Variants in KATNAL2 observed in about 807,000 individuals in gnomAD.
The protein encoded by KATNAL2 is katanin p60 ATPase-containing subunit A-like 2.
KATNAL2 carries 52 observed loss-of-function variants against 76.3 expected under a neutral mutation model. The ratio of observed to expected loss-of-function variants is 0.68; its 90% CI spans 0.55 to 0.86. The LOEUF is 0.86. Ranked by LOEUF, KATNAL2 falls within the 40% of genes least tolerant of loss-of-function variation. The probability of loss-of-function intolerance (pLI) is 0.00; values close to 1 mark genes in which losing one functional copy is unlikely to be tolerated. For missense variants in KATNAL2, 660 were observed against 668.9 expected (o/e 0.99, Z 0.15); for synonymous variants, 243 against 244.2 (o/e 1.00, Z 0.05).
chr18:46,968,843 TC>T (rs2060196111), intron 3 of KATNAL2: 2 of 484,354 alleles, frequency 4.1e-6, no homozygotes, highest in Middle Eastern at 6.2e-4. Context: ...GCCGTCGCCG[TC>T]CCCGAGGCCG....
At chr18:47,093,626 G>A (rs1248788817) in intron 15 of KATNAL2, among the ~76,000 whole-genome samples, 2 of 151,876 alleles carry the variant, frequency 1.3e-5, no homozygotes, top group African/African-American at 4.8e-5. Flanking sequence ...CAACCTCTTG[G>A]GTTCAAGCGA....
rs2061379420 is a variant in KATNAL2, at chr18:47,053,049, A to G, written c.289+3A>G. On this transcript the variant is annotated splice_donor_region_variant and intron_variant, in intron 5 of 17. Coordinates refer to ENST00000683218, the MANE Select transcript of KATNAL2 (RefSeq NM_001387690.1). The stretch of plus-strand genomic sequence containing the variant: ...TGTCAAAAAGTCATCAGACACAGGT[A>G]CATGCCTATTTTCTAGAGATAAGGC... 1.9e-6 allele frequency: 3 copies of G among 1,585,338 alleles called. No homozygotes were observed. The Admixed American group carries it at 5.4e-5, about 28-fold the overall frequency.
chr18:46,944,188 T>A (rs189761809), intron 1 of KATNAL2, among the ~76,000 whole-genome samples: 1 of 152,286 alleles, frequency 6.6e-6, no homozygotes, highest in Admixed American at 6.5e-5. Context: ...AAAAGACAAT[T>A]TCAAAGGTTA....
At chr18:47,086,060 C>A (rs976259256) in intron 15 of KATNAL2, among the ~76,000 whole-genome samples, 1 of 151,882 alleles carries the variant, frequency 6.6e-6, no homozygotes, top group Admixed American at 6.6e-5. Context: ...ACCACTGCAC[C>A]CCAGCCTGGG....
chr18:47,072,516 G>C (rs1316160721), intron 13 of KATNAL2, among the ~76,000 whole-genome samples: 2 of 152,190 alleles, frequency 1.3e-5, no homozygotes, highest in African/African-American at 4.8e-5. Flanking sequence ...CACTATCACA[G>C]CTGACTGCAG....
chr18:47,034,057 G>T (rs746500532), intron 3 of KATNAL2: 2 of 1,614,190 alleles, frequency 1.2e-6, no homozygotes, highest in Admixed American at 3.3e-5. Flanking sequence ...TGCAGTGGTG[G>T]CAGATTTTCC....
At chr18:46,940,161 G>A (rs1303312266) in intron 1 of KATNAL2, among the ~76,000 whole-genome samples, 1 of 152,160 alleles carries the variant, frequency 6.6e-6, no homozygotes, top group Non-Finnish European at 1.5e-5. Context: ...TTCCAGCCCT[G>A]GCCTGTATGA....
chr18:47,094,373 A>G lies in KATNAL2; in HGVS notation c.1212-4870A>G, dbSNP rs990230468. On this transcript the variant is annotated intron_variant, in intron 15 of 17. Coordinates refer to ENST00000683218, the MANE Select transcript of KATNAL2 (RefSeq NM_001387690.1). ...AAGACACTCTTCTTGTTTCATGGCA[A>G]TATTTTCTTACATCTCTCTGAGAAT... Among the ~76,000 whole-genome samples the G allele has an allele frequency of 3.6e-4, 55 of 152,184 alleles. 2 individuals are homozygous for G.
At chr18:46,929,244 T>C (rs897210714) in intron 1 of KATNAL2, among the ~76,000 whole-genome samples, 7 of 151,628 alleles carry the variant, frequency 4.6e-5, no homozygotes, top group Non-Finnish European at 8.8e-5. Flanking sequence ...AATTCTTTTT[T>C]TGTTTTTTTA....
intron 15 of KATNAL2, chr18:47,084,404 T>A (rs1268260570): frequency 1.4e-6 from 1 of 702,800 alleles, no homozygotes; most frequent in South Asian, 1.5e-5. Context: ...GATTGTGCCT[T>A]CACTAGATCA....
intron 3 of KATNAL2, among the ~76,000 whole-genome samples, chr18:47,039,189 CCTT>C (rs2147000528): frequency 6.6e-6 from 1 of 152,194 alleles, no homozygotes; most frequent in Non-Finnish European, 1.5e-5. Flanking sequence ...TTTATTTAAG[CCTT>C]CTTTTCTCTG....
At chr18:46,935,790 C>T (rs1020710494) in intron 1 of KATNAL2, among the ~76,000 whole-genome samples, 2 of 152,010 alleles carry the variant, frequency 1.3e-5, no homozygotes, top group Non-Finnish European at 2.9e-5. Context: ...GTGGTGTGTG[C>T]CTGTAGTCCC....
At chr18:46,957,379 C>T (rs1466528604) in intron 3 of KATNAL2, among the ~76,000 whole-genome samples, 1 of 150,814 alleles carries the variant, frequency 6.6e-6, no homozygotes, top group Non-Finnish European at 1.5e-5. Flanking sequence ...CTCAGCCTCC[C>T]GAGTAGCTGG....
intron 15 of KATNAL2, among the ~76,000 whole-genome samples, chr18:47,089,893 T>C (rs1281168148): frequency 6.6e-6 from 1 of 152,144 alleles, no homozygotes; most frequent in Non-Finnish European, 1.5e-5. Context: ...CAGTCATGTG[T>C]TCAAGTAGTA....
chr18:47,056,636 G>C (rs992500731), intron 6 of KATNAL2, among the ~76,000 whole-genome samples: 3 of 152,148 alleles, frequency 2.0e-5, no homozygotes, highest in African/African-American at 7.2e-5. Context: ...ACCATCCTCA[G>C]AACCAATTTA....
Position 46,965,585 on chromosome 18 carries a change from C to G in KATNAL2, c.51+18662C>G, listed in dbSNP as rs2060098519. Among the ~76,000 whole-genome samples, 8 of 91,142 alleles carry G rather than the reference C, an allele frequency of 8.8e-5. No individual in the cohort carries two copies. In the South Asian group the frequency reaches 1.8e-3, roughly 21 times the overall value. 59.8% of individuals were successfully genotyped at this position (91,142 alleles called of 152,430 possible). On this transcript the variant is annotated intron_variant, in intron 3 of 17. Coordinates refer to ENST00000683218, the MANE Select transcript of KATNAL2 (RefSeq NM_001387690.1). ...CAGAATCCCTCTAGCATCCCCGCCC[C>G]CCCCCCCCCGCCCCCAACGGTGGCC...
At chr18:47,100,735 G>A in intron 17 of KATNAL2, 131 bp from the exon 18 acceptor site, 1 of 1,149,236 alleles carries the variant, frequency 8.7e-7, no homozygotes. Context: ...CTTTAGTCTT[G>A]CCTTTTGCTG....
At chr18:46,933,859 C>G (rs1252203008) in intron 1 of KATNAL2, among the ~76,000 whole-genome samples, 1 of 143,596 alleles carries the variant, frequency 7.0e-6, no homozygotes, top group Admixed American at 7.1e-5. Context: ...CATGTGTTCT[C>G]ATTGTTCAAT....
chr18:47,031,344 G>T (rs1386085957), intron 3 of KATNAL2, among the ~76,000 whole-genome samples: 2 of 152,046 alleles, frequency 1.3e-5, no homozygotes, highest in South Asian at 2.1e-4. Flanking sequence ...TATGTTTTCG[G>T]CTTTTGTTTC....
Sources: gnomAD v4.1 joint callset for allele counts (sites outside exome capture counted in the v4.1 genomes callset) on GRCh38, gnomAD v4.1.1 for gene constraint, MANE v1.5 for transcripts, NCBI Gene and HGNC (gene_info 2026-07-23, HGNC 2026-07-21) for gene names.